The following EXOC6B variants were observed in gnomAD, a reference collection of about 807,000 sequenced individuals.
The protein encoded by EXOC6B is exocyst complex component 6B.
A neutral mutation model predicts 113.5 loss-of-function variants in EXOC6B; 54 were observed. That is an observed-to-expected ratio of 0.48 (90% CI 0.38 to 0.60). EXOC6B has a LOEUF of 0.60. EXOC6B is among the 20% of genes least tolerant of loss of function. EXOC6B has a pLI of 0.00. For missense variants in EXOC6B, 797 were observed against 977.5 expected (o/e 0.82, Z 2.46); for synonymous variants, 357 against 339.0 (o/e 1.05, Z -0.58).
chr2:72,740,582 A>G (rs1239462563), intron 2 of EXOC6B, among the ~76,000 whole-genome samples: 1 of 152,212 alleles, frequency 6.6e-6, no homozygotes, highest in African/African-American at 2.4e-5. Context: ...ATTCTTTGGT[A>G]GAAGACCCTC....
At chr2:72,222,411 T>C (rs1459821516) in intron 20 of EXOC6B, among the ~76,000 whole-genome samples, 1 of 152,232 alleles carries the variant, frequency 6.6e-6, no homozygotes, top group Non-Finnish European at 1.5e-5. Flanking sequence ...TATATTTTTA[T>C]AGGCAGAGCC....
intron 20 of EXOC6B, among the ~76,000 whole-genome samples, chr2:72,251,198 A>G (rs1682999876): frequency 7.1e-6 from 1 of 141,742 alleles, no homozygotes; most frequent in African/African-American, 2.5e-5. Flanking sequence ...TCTTTGAGGA[A>G]CTTTTCCTAC....
At chr2:72,783,629 G>A (rs991060746) in intron 1 of EXOC6B, among the ~76,000 whole-genome samples, 1 of 151,822 alleles carries the variant, frequency 6.6e-6, no homozygotes, top group Non-Finnish European at 1.5e-5. Flanking sequence ...GCCCCTGTTG[G>A]TCATTTCTAT....
At chr2:72,699,397 G>C (rs1678130035) in intron 6 of EXOC6B, among the ~76,000 whole-genome samples, 1 of 150,980 alleles carries the variant, frequency 6.6e-6, no homozygotes, top group African/African-American at 2.4e-5. Flanking sequence ...AGAATCACTT[G>C]AACCCAGGAG....
intron 8 of EXOC6B, among the ~76,000 whole-genome samples, chr2:72,523,484 C>T (rs890129882): frequency 1.3e-5 from 2 of 151,932 alleles, no homozygotes; most frequent in Non-Finnish European, 2.9e-5. Context: ...ATATTCTCTT[C>T]ATTAAGATTT....
At chr2:72,557,374 G>GA (rs1178302700) in intron 8 of EXOC6B, among the ~76,000 whole-genome samples, 1 of 135,722 alleles carries the variant, frequency 7.4e-6, no homozygotes, top group Non-Finnish European at 1.5e-5. Flanking sequence ...ACCTGTGATT[G>GA]AAAAAGATTG....
intron 20 of EXOC6B, among the ~76,000 whole-genome samples, chr2:72,220,806 G>A (rs374147268): frequency 7.9e-5 from 12 of 152,192 alleles, no homozygotes; most frequent in African/African-American, 2.6e-4. Flanking sequence ...GTTCAGTTTT[G>A]TGACTCTAAA....
At chr2:72,748,441 T>G (rs1681835466) in intron 1 of EXOC6B, among the ~76,000 whole-genome samples, 1 of 152,090 alleles carries the variant, frequency 6.6e-6, no homozygotes, top group African/African-American at 2.4e-5. Flanking sequence ...TCAGTTTGTC[T>G]ATCAGTTTAA....
intron 7 of EXOC6B, among the ~76,000 whole-genome samples, chr2:72,574,141 C>T (rs574074000): frequency 1.3e-5 from 2 of 149,968 alleles, no homozygotes; most frequent in East Asian, 2.0e-4. Flanking sequence ...TAGTAGTTTA[C>T]ATTCTTATGA....
intron 1 of EXOC6B, among the ~76,000 whole-genome samples, chr2:72,811,829 A>G (rs1264006706): frequency 6.6e-6 from 1 of 152,216 alleles, no homozygotes; most frequent in East Asian, 1.9e-4. Context: ...ATGCATTATA[A>G]GCATTTAACA....
intron 20 of EXOC6B, among the ~76,000 whole-genome samples, chr2:72,252,782 G>T (rs1307844627): frequency 1.3e-5 from 2 of 152,196 alleles, no homozygotes; most frequent in African/African-American, 4.8e-5. Flanking sequence ...CACTATCTGG[G>T]TGATGGGATC....
intron 6 of EXOC6B, among the ~76,000 whole-genome samples, chr2:72,643,649 A>G (rs1673446160): frequency 6.9e-6 from 1 of 144,976 alleles, no homozygotes; most frequent in South Asian, 2.2e-4. Flanking sequence ...GCATTGGGAG[A>G]TATACCTAAT....
At chr2:72,746,695 C>A (rs1681719593) in intron 1 of EXOC6B, among the ~76,000 whole-genome samples, 1 of 152,016 alleles carries the variant, frequency 6.6e-6, no homozygotes, top group African/African-American at 2.4e-5. Context: ...AGCATTATTT[C>A]ATTTAAATCC....
At chr2:72,442,583 TC>T (rs1392084633) in intron 18 of EXOC6B, among the ~76,000 whole-genome samples, 1 of 152,080 alleles carries the variant, frequency 6.6e-6, no homozygotes, top group Non-Finnish European at 1.5e-5. Flanking sequence ...CACTAGCATT[TC>T]TATACACCAA....
At chr2:72,502,502 T>C (rs1329126218) in intron 11 of EXOC6B, among the ~76,000 whole-genome samples, 1 of 152,140 alleles carries the variant, frequency 6.6e-6, no homozygotes, top group Non-Finnish European at 1.5e-5. Context: ...GAGCAGAGAT[T>C]GCACCACTGC....
chr2:72,458,534 T>A (rs1697394490), intron 18 of EXOC6B, among the ~76,000 whole-genome samples: 1 of 152,128 alleles, frequency 6.6e-6, no homozygotes, highest in African/African-American at 2.4e-5. Flanking sequence ...TATTGAGGAC[T>A]TAAGCCTGTC....
At chr2:72,567,409 T>C (rs545950236) in intron 7 of EXOC6B, among the ~76,000 whole-genome samples, 1 of 152,026 alleles carries the variant, frequency 6.6e-6, no homozygotes, top group East Asian at 1.9e-4. Context: ...ATGCTGATAC[T>C]CTGGAAACCA....
rs1287691787 is a variant in EXOC6B, at chr2:72,176,051, G to A, written c.*3284C>T. 1 of 152,186 alleles carries A rather than the reference G, an allele frequency of 6.6e-6. No individual in the cohort carries two copies. The highest frequency in any genetic ancestry group is 2.4e-5 in the African/African-American group (1 of 41,442). The allele number at this position is 152,186 out of a possible 1,614,324, so 9.4% of individuals were successfully genotyped here. A position where few individuals can be genotyped will look rare whatever the true frequency, so the allele number is the denominator to read the frequency against. Reference sequence around the variant, plus strand: ...GTTAAAAGAGGAAAATGTACAAGAGGAATAAACATGCTCTTTTCACAGAGG... The same window carrying A: ...GTTAAAAGAGGAAAATGTACAAGAGAAATAAACATGCTCTTTTCACAGAGG... On this transcript the variant is annotated 3_prime_UTR_variant, in exon 22 of 22. Transcript: ENST00000272427.
rs1485834048 is a variant in EXOC6B, at chr2:72,435,506, G to T, written c.1980+29654C>A. ...ATCTGTCTAATAGTTACAGTGGGGT[G>T]TTAAAGTCTCCCACTATTATTGTGT... On this transcript the variant is annotated intron_variant, in intron 18 of 21. Coordinates refer to ENST00000272427, the MANE Select transcript of EXOC6B (RefSeq NM_015189.3). 4.6e-5 allele frequency among the ~76,000 whole-genome samples: 7 copies of T among 152,168 alleles called. No homozygotes were observed. The East Asian group carries it at 1.3e-3, about 29-fold the overall frequency.
Sources: allele counts gnomAD v4.1 joint callset (sites outside exome capture counted in the v4.1 genomes callset), GRCh38; gene constraint gnomAD v4.1.1; transcripts MANE v1.5; gene names NCBI Gene and HGNC (gene_info 2026-07-23, HGNC 2026-07-21).